Variants in HIVEP3 observed in about 807,000 individuals in gnomAD.
HIVEP3 encodes transcription factor HIVEP3.
A neutral mutation model predicts 152.8 loss-of-function variants in HIVEP3; 49 were observed. The ratio of observed to expected loss-of-function variants is 0.32; its 90% CI spans 0.26 to 0.41. The LOEUF is 0.41. Ranked by LOEUF, HIVEP3 falls within the 10% of genes least tolerant of loss-of-function variation. The pLI is 1.00. For synonymous variants in HIVEP3, 1,269 were observed against 1,289.0 expected, an observed-to-expected ratio of 0.98 and a Z score of 0.33; for missense variants, 2,790 against 3,103.3, an observed-to-expected ratio of 0.90 and a Z score of 2.40.
chr1:41,876,065 G>T (rs140017916), intron 1 of HIVEP3, among the ~76,000 whole-genome samples: 19 of 151,424 alleles, frequency 1.3e-4, no homozygotes, highest in African/African-American at 4.6e-4. Flanking sequence ...GGGAAGGATT[G>T]CTTCATAATC....
At chr1:41,938,385 T>C (rs1372524276) in intron 1 of HIVEP3, among the ~76,000 whole-genome samples, 1 of 152,136 alleles carries the variant, frequency 6.6e-6, no homozygotes, top group African/African-American at 2.4e-5. Flanking sequence ...AACTAACACA[T>C]AGTAAATGCT....
intron 1 of HIVEP3, among the ~76,000 whole-genome samples, chr1:41,833,785 G>A (rs1488784054): frequency 6.6e-6 from 1 of 152,152 alleles, no homozygotes; most frequent in African/African-American, 2.4e-5. Context: ...TTCTGTGGGT[G>A]GTACCCAGCT....
intron 1 of HIVEP3, among the ~76,000 whole-genome samples, chr1:41,964,584 T>C: frequency 6.6e-6 from 1 of 152,216 alleles, no homozygotes; most frequent in Non-Finnish European, 1.5e-5. Context: ...TTTTCCCCAC[T>C]GGTGCCGGGG....
intron 2 of HIVEP3, among the ~76,000 whole-genome samples, chr1:41,666,041 C>T (rs1645791171): frequency 6.6e-6 from 1 of 152,120 alleles, no homozygotes; most frequent in Non-Finnish European, 1.5e-5. Flanking sequence ...TAGCAACCAT[C>T]CCCTCTCCAT....
intron 1 of HIVEP3, among the ~76,000 whole-genome samples, chr1:41,872,233 G>A (rs1329757214): frequency 6.6e-6 from 1 of 152,128 alleles, no homozygotes; most frequent in Non-Finnish European, 1.5e-5. Context: ...GGTGGAAGAA[G>A]ATTTACAGAC....
At chr1:42,026,748 A>G (rs1042151974) in intron 1 of HIVEP3, among the ~76,000 whole-genome samples, 1 of 152,134 alleles carries the variant, frequency 6.6e-6, no homozygotes, top group Non-Finnish European at 1.5e-5. Context: ...TCTTTACATA[A>G]CCACTCTTCT....
chr1:41,578,125 A>G (rs778859484), intron 4 of HIVEP3, among the ~76,000 whole-genome samples: 4 of 152,220 alleles, frequency 2.6e-5, no homozygotes, highest in Admixed American at 2.0e-4. Flanking sequence ...TCTGCCATTT[A>G]CTGTGTGGCC....
chr1:41,635,910 G>GATAACTATAA (rs1230397881), intron 2 of HIVEP3, among the ~76,000 whole-genome samples: 1 of 152,130 alleles, frequency 6.6e-6, no homozygotes, highest in Non-Finnish European at 1.5e-5. Context: ...GAAAACCTAG[G>GATAACTATAA]TAGACTCTAA....
At chr1:41,880,169 C>T (rs1644238922) in intron 1 of HIVEP3, among the ~76,000 whole-genome samples, 1 of 152,172 alleles carries the variant, frequency 6.6e-6, no homozygotes, top group Admixed American at 6.5e-5. Context: ...AAGCGATCCT[C>T]CTACCTCAGC....
chr1:41,783,769 G>T (rs1192674706), intron 1 of HIVEP3, among the ~76,000 whole-genome samples: 1 of 152,166 alleles, frequency 6.6e-6, no homozygotes, highest in African/African-American at 2.4e-5. Context: ...GGCCCCTCGA[G>T]GGCTGAACCC....
intron 1 of HIVEP3, among the ~76,000 whole-genome samples, chr1:41,914,808 C>T (rs1053195854): frequency 6.6e-6 from 1 of 152,218 alleles, no homozygotes; most frequent in Non-Finnish European, 1.5e-5. Flanking sequence ...ACCTCTCCTG[C>T]TCCATCTTTT....
chr1:41,898,434 G>T (rs1222742790), intron 1 of HIVEP3, among the ~76,000 whole-genome samples: 2 of 152,162 alleles, frequency 1.3e-5, no homozygotes, highest in Non-Finnish European at 2.9e-5. Flanking sequence ...TCTAAGTAGT[G>T]CCTCCCACAG....
chr1:41,580,050 G>T lies in HIVEP3; in HGVS notation c.4748C>A (p.Ser1583Ter). 1 of 1,614,224 alleles carries T rather than the reference G, an allele frequency of 6.2e-7. No homozygotes were observed. ...LSETSSRPAK[S>*]QEGTDSKKVL... ...CTTCTTTGAGTCCGTACCTTCTTGT[G>T]ACTTGGCTGGTCTGGAGGACGTTTC... is the stretch of plus-strand genomic sequence containing the variant. The change falls in exon 4 of 9, where the codon TCA becomes TAA. Residue 1583 changes from serine (S) to a stop codon, truncating the protein, a stop_gained. Transcript: ENST00000372583. LOFTEE classifies it high-confidence loss of function.
chr1:41,869,263 CTG>C (rs970107411), intron 1 of HIVEP3, among the ~76,000 whole-genome samples: 30 of 152,340 alleles, frequency 2.0e-4, no homozygotes, highest in African/African-American at 7.0e-4. Context: ...ACGGAGAAAT[CTG>C]TGTGTCACAA....
In HIVEP3 at chr1:41,956,458, A is replaced by C. The variant is rs938236171; in HGVS notation, n.120-37934T>G. The stretch of plus-strand genomic sequence containing the variant: ...CTGTAGAGCACCAGCCACAGAAAGC[A>C]CTTTCCACCTAGGAATCTATTCCAA... On this transcript the variant is annotated intron_variant and non_coding_transcript_variant, in intron 1 of 3. Coordinates refer to the HIVEP3 transcript ENST00000489103. 2.6e-5 allele frequency among the ~76,000 whole-genome samples: 4 copies of C among 152,338 alleles called. No individual in the cohort carries two copies. In the South Asian group the frequency reaches 8.3e-4, roughly 32 times the overall value.
intron 2 of HIVEP3, among the ~76,000 whole-genome samples, chr1:41,691,706 T>A (rs1405571813): frequency 6.6e-6 from 1 of 152,142 alleles, no homozygotes; most frequent in Non-Finnish European, 1.5e-5. Flanking sequence ...AGCCACTCAG[T>A]TTATGGTATT....
intron 1 of HIVEP3, among the ~76,000 whole-genome samples, chr1:41,925,199 A>T (rs1341638500): frequency 6.6e-6 from 1 of 152,204 alleles, no homozygotes; most frequent in Non-Finnish European, 1.5e-5. Flanking sequence ...CGTGGCTTGC[A>T]AAGCCTAAAA....
intron 2 of HIVEP3, among the ~76,000 whole-genome samples, chr1:41,670,042 C>T (rs1645850519): frequency 6.6e-6 from 1 of 152,172 alleles, no homozygotes; most frequent in Non-Finnish European, 1.5e-5. Flanking sequence ...AGGCCTCACT[C>T]CCTGGGAGGG....
chr1:41,632,106 C>T (rs944384837), intron 2 of HIVEP3, among the ~76,000 whole-genome samples: 1 of 152,168 alleles, frequency 6.6e-6, no homozygotes, highest in Non-Finnish European at 1.5e-5. Flanking sequence ...TAACAGCATC[C>T]ACTGTGCTCA....
Sources: allele counts gnomAD v4.1 joint callset (sites outside exome capture counted in the v4.1 genomes callset), GRCh38; gene constraint gnomAD v4.1.1; transcripts MANE v1.5; gene names NCBI Gene and HGNC (gene_info 2026-07-23, HGNC 2026-07-21).